The following RELN variants were observed in gnomAD, a reference collection of about 807,000 sequenced individuals.
The protein encoded by RELN is reelin.
Under a neutral mutation model 427.6 loss-of-function variants are expected in RELN, and 108 were observed. That is an observed-to-expected ratio of 0.25 (90% CI 0.22 to 0.30). RELN has a LOEUF of 0.30. Among genes scored for constraint, RELN ranks in the 10% least tolerant of loss-of-function variants. The pLI, the probability that RELN is intolerant of heterozygous loss-of-function variation, is 1.00. For synonymous variants in RELN, 1,524 were observed against 1,513.4 expected (o/e 1.01, Z -0.16); for missense variants, 3,715 against 4,302.8 (o/e 0.86, Z 3.82).
intron 1 of RELN, among the ~76,000 whole-genome samples, chr7:103,971,821 C>A (rs1796769441): frequency 6.8e-6 from 1 of 147,314 alleles, no homozygotes; most frequent in Admixed American, 6.8e-5. Flanking sequence ...GCCTGTAATC[C>A]CAGCACTTTG....
chr7:103,679,031 C>T (rs377636872), intron 11 of RELN, among the ~76,000 whole-genome samples: 2 of 152,180 alleles, frequency 1.3e-5, no homozygotes, highest in African/African-American at 2.4e-5. Context: ...GATAAACATG[C>T]TTCACATTAA....
In RELN at chr7:103,942,898, C is replaced by T. The variant is rs190215986; in HGVS notation, c.227-25713G>A. Among the ~76,000 whole-genome samples, 963 of 147,390 alleles carry T rather than the reference C, an allele frequency of 6.5e-3. 7 individuals are homozygous for T. The highest frequency in any genetic ancestry group is 0.011 in the Non-Finnish European group (715 of 67,240). On this transcript the variant is annotated intron_variant, in intron 1 of 64. Coordinates refer to ENST00000428762, the MANE Select transcript of RELN (RefSeq NM_005045.4). ...CTGCACTGCAGCCTGGGCGACAGAGCAAGACTCCATCTCAGAAAAAAAAAA... is the reference window on the plus strand; with the variant it reads ...CTGCACTGCAGCCTGGGCGACAGAGTAAGACTCCATCTCAGAAAAAAAAAA...
At chr7:103,568,789 T>G (rs1830817915) in intron 31 of RELN, among the ~76,000 whole-genome samples, 1 of 152,170 alleles carries the variant, frequency 6.6e-6, no homozygotes, top group Admixed American at 6.5e-5. Context: ...TGAGATTACT[T>G]AGTTATTTTG....
intron 11 of RELN, among the ~76,000 whole-genome samples, chr7:103,676,535 ACTGGGTATATAC>A (rs1392292443): frequency 3.3e-5 from 5 of 152,230 alleles, no homozygotes; most frequent in African/African-American, 9.6e-5. Flanking sequence ...CAATCCCATT[ACTGGGTATATAC>A]CCAAAGGATT....
chr7:103,587,033 C>G (rs1409171483), intron 28 of RELN, among the ~76,000 whole-genome samples: 1 of 152,016 alleles, frequency 6.6e-6, no homozygotes, highest in Non-Finnish European at 1.5e-5. Context: ...AAAAAACAAC[C>G]CTAAAATTCA....
chr7:103,772,478 T>C (rs1791593827), intron 4 of RELN, among the ~76,000 whole-genome samples: 1 of 152,206 alleles, frequency 6.6e-6, no homozygotes, highest in African/African-American at 2.4e-5. Flanking sequence ...CTTGGAGTAG[T>C]GTCTGGCACA....
intron 3 of RELN, among the ~76,000 whole-genome samples, chr7:103,799,090 T>C (rs560978318): frequency 6.6e-6 from 1 of 152,276 alleles, no homozygotes; most frequent in African/African-American, 2.4e-5. Flanking sequence ...AGTAACAAAA[T>C]TGCAATTTAC....
chr7:103,618,953 A>T (rs2117307917), intron 20 of RELN, among the ~76,000 whole-genome samples: 1 of 152,138 alleles, frequency 6.6e-6, no homozygotes, highest in African/African-American at 2.4e-5. Flanking sequence ...TCTACTAAAA[A>T]CACAAAAAAC....
chr7:103,570,308 T>G (rs983930350), intron 31 of RELN, among the ~76,000 whole-genome samples: 1 of 152,186 alleles, frequency 6.6e-6, no homozygotes, highest in Admixed American at 6.5e-5. Context: ...TTTTTTTAGG[T>G]CATACACAAA....
intron 6 of RELN, among the ~76,000 whole-genome samples, chr7:103,745,870 C>T (rs1306486556): frequency 6.6e-6 from 1 of 152,130 alleles, no homozygotes; most frequent in Non-Finnish European, 1.5e-5. Flanking sequence ...CAATGCCAAC[C>T]CAATGAAGCT....
intron 2 of RELN, among the ~76,000 whole-genome samples, chr7:103,841,511 C>T (rs1011349719): frequency 1.3e-5 from 2 of 152,154 alleles, no homozygotes; most frequent in Non-Finnish European, 2.9e-5. Context: ...TGCCCCCACA[C>T]TCTCTTTTAA....
chr7:103,927,791 T>C lies in RELN; in HGVS notation c.227-10606A>G, dbSNP rs143037070. Among the ~76,000 whole-genome samples the C allele has an allele frequency of 7.2e-5, 11 of 152,222 alleles. No homozygotes were observed. The East Asian group carries it at 2.1e-3, about 29-fold the overall frequency. On this transcript the variant is annotated intron_variant, in intron 1 of 64. Coordinates refer to ENST00000428762, the MANE Select transcript of RELN (RefSeq NM_005045.4). Reference sequence around the variant, plus strand: ...AAGACAATTTTTCCAAGGATAAGGATGAAGAAAAACTCCAGGCGTGAATAA... The same window carrying C: ...AAGACAATTTTTCCAAGGATAAGGACGAAGAAAAACTCCAGGCGTGAATAA...
rs145560730 is a variant in RELN at position 103,878,013 on chromosome 7, G to A, written c.337+39062C>T. 2.1e-3 allele frequency among the ~76,000 whole-genome samples: 320 copies of A among 152,060 alleles called. 1 individual carries two copies. The highest frequency in any genetic ancestry group is 0.01 in the Middle Eastern group (3 of 292). The stretch of plus-strand genomic sequence containing the variant: ...TGGGATTACAGGCATGCACCAACAC[G>A]CCCAGCTAATATTTTGTATTTTTAG... On this transcript the variant is annotated intron_variant, in intron 2 of 64. Coordinates refer to ENST00000428762, the MANE Select transcript of RELN (RefSeq NM_005045.4).
chr7:103,906,296 C>T lies in RELN; in HGVS notation c.337+10779G>A, dbSNP rs1393946452. Among the ~76,000 whole-genome samples the T allele has an allele frequency of 2.0e-5, 3 of 152,190 alleles. No individual in the cohort carries two copies. The East Asian group carries it at 5.8e-4, about 29-fold the overall frequency. On this transcript the variant is annotated intron_variant, in intron 2 of 64. Transcript: ENST00000428762. Reference sequence around the variant, plus strand: ...AACTCCCTAAGCAAGCATAACCTCCCGCAAGTTACTTATGCTCTTTTTGCC... The same window carrying T: ...AACTCCCTAAGCAAGCATAACCTCCTGCAAGTTACTTATGCTCTTTTTGCC...
At chr7:103,749,721 C>T (rs1245897157) in intron 5 of RELN, among the ~76,000 whole-genome samples, 1 of 152,122 alleles carries the variant, frequency 6.6e-6, no homozygotes, top group Admixed American at 6.5e-5. Context: ...AAACCAAAGA[C>T]CCCAAAAGGA....
In RELN at chr7:103,563,620, T is replaced by C; in HGVS notation, c.5210+1658A>G. 6.6e-6 allele frequency among the ~76,000 whole-genome samples: 1 copy of C among 152,168 alleles called. No homozygotes were observed. Among genetic ancestry groups the C allele is most frequent in the Non-Finnish European group, 1.5e-5 (1 of 68,028 alleles). ...AATTTAGTGGAGCCTAAGTGCATAG[T>C]GTTTATGAAATCTATAGTAGTGTAC... On this transcript the variant is annotated intron_variant, in intron 34 of 64. Transcript: ENST00000428762. The surrounding 1 kb of genome is among the most constrained non-coding windows in gnomAD (Gnocchi z 4.1).
intron 2 of RELN, among the ~76,000 whole-genome samples, chr7:103,903,455 T>C (rs1419078620): frequency 3.3e-5 from 5 of 152,120 alleles, no homozygotes; most frequent in African/African-American, 1.2e-4. Context: ...GTTCATTCTC[T>C]GTCAGTCATC....
chr7:103,722,948 G>A (rs1584436241), intron 8 of RELN, among the ~76,000 whole-genome samples, 192 bp downstream of exon 8: 1 of 152,134 alleles, frequency 6.6e-6, no homozygotes, highest in Admixed American at 6.5e-5. Flanking sequence ...CACTGCTGGA[G>A]AGAAGTGAGA....
intron 3 of RELN, among the ~76,000 whole-genome samples, chr7:103,793,153 C>A (rs994830905): frequency 1.3e-5 from 2 of 152,108 alleles, no homozygotes; most frequent in African/African-American, 4.8e-5. Flanking sequence ...AATAATTTTT[C>A]TTTTGCAATG....
Sources: gnomAD v4.1 joint callset for allele counts (sites outside exome capture counted in the v4.1 genomes callset) on GRCh38, gnomAD v4.1.1 for gene constraint, Gnocchi (gnomAD v3.1) non-coding constraint, MANE v1.5 for transcripts, NCBI Gene and HGNC (gene_info 2026-07-23, HGNC 2026-07-21) for gene names.